Variants in SLC66A2 observed in about 807,000 individuals in gnomAD.
SLC66A2 encodes solute carrier family 66 member 2.
A neutral mutation model predicts 25.5 loss-of-function variants in SLC66A2; 23 were observed. The observed-to-expected ratio is 0.90, with a 90% CI of 0.65 to 1.28. The LOEUF is 1.28. Ranked by LOEUF, SLC66A2 falls within the 50% of genes most tolerant of loss-of-function variation. The pLI, the probability that SLC66A2 is intolerant of heterozygous loss-of-function variation, is 0.00. For missense variants in SLC66A2, 396 were observed against 373.1 expected, an observed-to-expected ratio of 1.06 and a Z score of -0.51; for synonymous variants, 193 against 166.5, an observed-to-expected ratio of 1.16 and a Z score of -1.23.
rs1006619196 is a variant in SLC66A2, at chr18:79,904,585, G to A, written c.609-402C>T. On this transcript the variant is annotated intron_variant, in intron 5 of 5. Coordinates refer to ENST00000397778, the MANE Select transcript of SLC66A2 (RefSeq NM_025078.5). This position sits in a 1 kb window ranked among gnomAD's most constrained non-coding sequence, Gnocchi z 6.3. ...CAGCTGACGTCAGGGCCCCTGGTGC[G>A]CGGTGGCAATTCTGGGAGGGGCCGG... Among the ~76,000 whole-genome samples the A allele has an allele frequency of 9.2e-5, 14 of 152,146 alleles. No homozygotes were observed. The highest frequency in any genetic ancestry group is 1.9e-4 in the East Asian group (1 of 5,186).
intron 5 of SLC66A2, among the ~76,000 whole-genome samples, chr18:79,905,237 G>T (rs1326136262): frequency 6.6e-6 from 1 of 152,198 alleles, no homozygotes; most frequent in Non-Finnish European, 1.5e-5. Flanking sequence ...TTTCCACTTG[G>T]GTCGGTTTAG....
chr18:79,914,113 C>T (rs1309254680), intron 5 of SLC66A2, among the ~76,000 whole-genome samples: 3 of 152,192 alleles, frequency 2.0e-5, no homozygotes. Flanking sequence ...ACCATCTTGG[C>T]CAGGCTGGTC....
At position 79,904,606 on chromosome 18, in the gene SLC66A2, G is replaced by C. The variant is rs546341152; in HGVS notation, c.609-423C>G. Among the ~76,000 whole-genome samples, 12 of 152,240 alleles carry C rather than the reference G, an allele frequency of 7.9e-5. No homozygotes were observed. Among genetic ancestry groups the C allele is most frequent in the Admixed American group, 3.3e-4 (5 of 15,306 alleles). ...GTGCGCGGTGGCAATTCTGGGAGGG[G>C]CCGGGCCTGGGAGGGTGCTGAGGAC... is the stretch of plus-strand genomic sequence containing the variant. On this transcript the variant is annotated intron_variant, in intron 5 of 5. Transcript: ENST00000397778. This position sits in a 1 kb window ranked among gnomAD's most constrained non-coding sequence, Gnocchi z 6.3.
In SLC66A2 at chr18:79,903,755, GGCCAGATCAACCCTGGCTGTCCCC is replaced by G; in HGVS notation, c.*197_*220del. 1 of 532,576 alleles carries G rather than the reference GGCCAGATCAACCCTGGCTGTCCCC, an allele frequency of 1.9e-6. No homozygotes were observed. Among genetic ancestry groups the G allele is most frequent in the East Asian group, 3.4e-5 (1 of 29,748 alleles). The allele number at this position is 532,576 out of a possible 1,614,324, so 33.0% of individuals were successfully genotyped here. Reference sequence around the variant, plus strand: ...TCCTAAAAACATCCAAAACCCTCGGGGCCAGATCAACCCTGGCTGTCCCCGCTGAGCACAAACAGCGTCCCAGCC... The same window carrying G: ...TCCTAAAAACATCCAAAACCCTCGGGGCTGAGCACAAACAGCGTCCCAGCC... On this transcript the variant is annotated 3_prime_UTR_variant, in exon 6 of 6. Coordinates refer to ENST00000397778, the MANE Select transcript of SLC66A2 (RefSeq NM_025078.5).
At chr18:79,914,025 C>T (rs1464843607) in intron 5 of SLC66A2, among the ~76,000 whole-genome samples, 1 of 152,230 alleles carries the variant, frequency 6.6e-6, no homozygotes, top group Non-Finnish European at 1.5e-5. Flanking sequence ...TCTCCTGCCT[C>T]AGCTTCCTGA....
chr18:79,942,799 G>A (rs1987792230), intron 3 of SLC66A2, among the ~76,000 whole-genome samples: 2 of 152,350 alleles, frequency 1.3e-5, no homozygotes, highest in South Asian at 4.1e-4. Context: ...CTAAGCATGT[G>A]ATTGGTCCTG....
intron 3 of SLC66A2, among the ~76,000 whole-genome samples, chr18:79,936,946 A>C (rs1987153082): frequency 6.6e-6 from 1 of 152,222 alleles, no homozygotes. Context: ...GAGAGGGCTA[A>C]GGGAGGCATG....
intron 5 of SLC66A2, among the ~76,000 whole-genome samples, chr18:79,913,393 G>A (rs1033711852): frequency 6.6e-6 from 1 of 152,210 alleles, no homozygotes; most frequent in African/African-American, 2.4e-5. Context: ...AAAACTGGAG[G>A]AAGAGGAATG....
chr18:79,924,166 C>T (rs925271003), intron 4 of SLC66A2, among the ~76,000 whole-genome samples: 2 of 152,094 alleles, frequency 1.3e-5, no homozygotes, highest in Admixed American at 1.3e-4. Context: ...GTGAGAGGCA[C>T]GAGGCGAGGC....
chr18:79,906,071 T>C (rs1160024276), intron 5 of SLC66A2, among the ~76,000 whole-genome samples: 1 of 152,244 alleles, frequency 6.6e-6, no homozygotes, highest in African/African-American at 2.4e-5. Context: ...GGTTGTTCAT[T>C]GTACTCTTTT....
At position 79,918,427 on chromosome 18, in the gene SLC66A2, G is replaced by A. The variant is rs1278613606; in HGVS notation, c.608+757C>T. Among the ~76,000 whole-genome samples, 1 of 149,652 alleles carries A rather than the reference G, an allele frequency of 6.7e-6. No homozygotes were observed. Among genetic ancestry groups the A allele is most frequent in the African/African-American group, 2.5e-5 (1 of 40,302 alleles). ...CCCAGTGAGGAGCGGGCCCGGGGGG[G>A]GGTCCCCAGTGAGGAGCGGGCACCG... On this transcript the variant is annotated intron_variant, in intron 5 of 5. Coordinates refer to ENST00000397778, the MANE Select transcript of SLC66A2 (RefSeq NM_025078.5). The surrounding 1 kb of genome is among the most constrained non-coding windows in gnomAD (Gnocchi z 4.0).
At chr18:79,911,252 G>A (rs1159960896) in intron 5 of SLC66A2, among the ~76,000 whole-genome samples, 1 of 152,352 alleles carries the variant, frequency 6.6e-6, no homozygotes, top group East Asian at 1.9e-4. Context: ...GTGGGGGCCT[G>A]GACATCTTTC....
intron 4 of SLC66A2, among the ~76,000 whole-genome samples, chr18:79,923,905 T>G (rs1484143868): frequency 6.6e-6 from 1 of 151,466 alleles, no homozygotes; most frequent in African/African-American, 2.4e-5. Flanking sequence ...GGTGTGGTGG[T>G]GCGCACCTGT....
At chr18:79,912,084 C>G (rs1406661926) in intron 5 of SLC66A2, among the ~76,000 whole-genome samples, 2 of 21,904 alleles carry the variant, frequency 9.1e-5, no homozygotes, top group Non-Finnish European at 2.3e-4. Flanking sequence ...AGGGAGGGGA[C>G]AAGAGCAGGA....
chr18:79,912,415 A>G (rs1349531150), intron 5 of SLC66A2, among the ~76,000 whole-genome samples: 1 of 152,204 alleles, frequency 6.6e-6, no homozygotes, highest in African/African-American at 2.4e-5. Context: ...ACAAAAAGGA[A>G]AGAAACGCTG....
At chr18:79,907,827 A>G (rs1191560100) in intron 5 of SLC66A2, among the ~76,000 whole-genome samples, 4 of 152,060 alleles carry the variant, frequency 2.6e-5, no homozygotes, top group African/African-American at 9.7e-5. Flanking sequence ...GCTGTTAAAC[A>G]TCCTATAATA....
At chr18:79,934,341 T>C (rs1034171649) in intron 3 of SLC66A2, among the ~76,000 whole-genome samples, 3 of 152,168 alleles carry the variant, frequency 2.0e-5, no homozygotes, top group African/African-American at 4.8e-5. Context: ...TGGGAGCCCG[T>C]CACAAGCGTG....
At chr18:79,935,197 G>C (rs1986959051) in intron 3 of SLC66A2, 1 of 152,226 alleles carries the variant, frequency 6.6e-6, no homozygotes, top group Admixed American at 6.5e-5. Flanking sequence ...CTCACATCCA[G>C]GTGTGACTGT....
intron 4 of SLC66A2, among the ~76,000 whole-genome samples, chr18:79,922,857 AG>A (rs777910118): frequency 4.2e-4 from 3 of 7,088 alleles, no homozygotes; most frequent in East Asian, 2.2e-3. Flanking sequence ...TGGTGAGGTT[AG>A]GGGGGCTTGG....
Sources: gnomAD v4.1 joint callset for allele counts (sites outside exome capture counted in the v4.1 genomes callset) on GRCh38, gnomAD v4.1.1 for gene constraint, Gnocchi (gnomAD v3.1) non-coding constraint, MANE v1.5 for transcripts, NCBI Gene and HGNC (gene_info 2026-07-23, HGNC 2026-07-21) for gene names.